ACER2: variants seen among roughly 807,000 people sequenced by gnomAD.
ACER2 encodes alkaline ceramidase 2, also known as alkCDase 2.
In ACER2, 26 loss-of-function variants were observed where a neutral mutation model predicts 34.7. That is an observed-to-expected ratio of 0.75 (90% CI 0.55 to 1.04). The LOEUF is 1.04. ACER2 is among the 50% of genes least tolerant of loss of function. ACER2 has a pLI of 0.00. For missense variants in ACER2, 352 were observed against 340.8 expected, an observed-to-expected ratio of 1.03 and a Z score of -0.26; for synonymous variants, 138 against 132.1, an observed-to-expected ratio of 1.04 and a Z score of -0.31.
intron 1 of ACER2, among the ~76,000 whole-genome samples, chr9:19,419,555 C>G (rs1830339477): frequency 6.6e-6 from 1 of 152,158 alleles, no homozygotes; most frequent in South Asian, 2.1e-4. Context: ...CACTTGAGGT[C>G]AGGAGTTGAA....
chr9:19,450,469 G>T lies in ACER2; in HGVS notation c.661G>T (p.Ala221Ser). Residue 221 changes from alanine (A) to serine (S), a missense_variant, in exon 6 of 6, where the codon GCT (alanine) becomes TCT (serine). Ala to Ser is a moderately conservative substitution (Grantham distance 99, BLOSUM62 1). Transcript: ENST00000340967. Reference protein sequence around the residue: ...HCMWHILICLAAYLGCVCFAY... With the variant: ...HCMWHILICLSAYLGCVCFAY... Reference sequence around the variant, plus strand: ...CTGCAGGCACATCCTCATCTGCCTTGCTGCCTACCTGGGCTGTGTATGCTT... The same window carrying T: ...CTGCAGGCACATCCTCATCTGCCTTTCTGCCTACCTGGGCTGTGTATGCTT... The T allele has an allele frequency of 6.2e-7, 1 of 1,602,096 alleles. No individual in the cohort carries two copies. The highest frequency in any genetic ancestry group is 8.5e-7 in the Non-Finnish European group (1 of 1,170,404).
intron 4 of ACER2, among the ~76,000 whole-genome samples, chr9:19,441,132 C>A (rs930173787): frequency 1.3e-5 from 2 of 151,556 alleles, no homozygotes; most frequent in African/African-American, 4.9e-5. Flanking sequence ...TCACTGCAAC[C>A]TCCGCCTCCC....
intron 3 of ACER2, among the ~76,000 whole-genome samples, chr9:19,433,042 G>T (rs1444488852): frequency 1.3e-5 from 2 of 151,578 alleles, no homozygotes; most frequent in African/African-American, 4.8e-5. Context: ...GAAGTAGGTT[G>T]ACTGTAATTT....
At chr9:19,426,228 T>A (rs200740852) in intron 3 of ACER2, among the ~76,000 whole-genome samples, 5,668 of 144,736 alleles carry the variant, frequency 0.039, 142 homozygotes, top group Middle Eastern at 0.2. Flanking sequence ...ACTTTTTTTT[T>A]AAAAAAAAAA....
intron 5 of ACER2, chr9:19,446,625 A>T (rs1446167403): frequency 1.0e-6 from 1 of 985,452 alleles, no homozygotes; most frequent in Non-Finnish European, 1.2e-6. Context: ...CTTAGCCGGA[A>T]CGAAAGGCCT....
chr9:19,411,746 T>C (rs542525916), intron 1 of ACER2, among the ~76,000 whole-genome samples: 7 of 152,276 alleles, frequency 4.6e-5, no homozygotes, highest in African/African-American at 1.7e-4. Flanking sequence ...GTTGGAGGAA[T>C]TGACAATGTT....
chr9:19,428,884 G>C (rs1830666833), intron 3 of ACER2, among the ~76,000 whole-genome samples: 1 of 145,000 alleles, frequency 6.9e-6, no homozygotes, highest in Non-Finnish European at 1.5e-5. Context: ...CTGCCTCCTG[G>C]GTTCAAATGA....
intron 3 of ACER2, among the ~76,000 whole-genome samples, chr9:19,429,631 C>G (rs192493498): frequency 1.6e-4 from 24 of 152,288 alleles, no homozygotes; most frequent in Non-Finnish European, 3.1e-4. Flanking sequence ...TGTGCCCAAC[C>G]TTGTATCCAC....
At chr9:19,411,211 C>T (rs959685683) in intron 1 of ACER2, among the ~76,000 whole-genome samples, 10 of 152,190 alleles carry the variant, frequency 6.6e-5, no homozygotes, top group African/African-American at 2.4e-4. Flanking sequence ...CATTGTCTGG[C>T]TGATGAGCCC....
rs1443534266 is a variant in ACER2 at position 19,451,877 on chromosome 9, T to C, written c.*1241T>C. 1 of 152,348 alleles carries C rather than the reference T, an allele frequency of 6.6e-6. No homozygotes were observed. The allele number at this position is 152,348 out of a possible 1,614,324, so 9.4% of individuals were successfully genotyped here. On this transcript the variant is annotated 3_prime_UTR_variant, in exon 6 of 6. Coordinates refer to ENST00000340967, the MANE Select transcript of ACER2 (RefSeq NM_001010887.3). Reference sequence around the variant, plus strand: ...CTTCTTGTTTCTGTTGTGTTTTCTGTGGGCATCATGTTCTTCACGCTTGCA... The same window carrying C: ...CTTCTTGTTTCTGTTGTGTTTTCTGCGGGCATCATGTTCTTCACGCTTGCA...
At chr9:19,428,401 C>T (rs1830648234) in intron 3 of ACER2, among the ~76,000 whole-genome samples, 1 of 152,064 alleles carries the variant, frequency 6.6e-6, no homozygotes, top group African/African-American at 2.4e-5. Flanking sequence ...CTCCTCACCT[C>T]AGGTGATCTG....
rs746504706 is a variant in ACER2 at position 19,450,636 on chromosome 9, A to G, written c.828A>G (p.Ter276TrpextTer87). Residue 276 changes from the stop codon to tryptophan, a stop_lost, in exon 6 of 6, where the codon TGA becomes TGG. Transcript: ENST00000340967. ...AGAAATCATCAGTCAAGATCACGTG[A>G]TGGCAAGATGGTGGCTGGCTTCTCT... The part of the protein sequence containing the change: ...ANKKSSVKIT[*>W] The G allele has an allele frequency of 6.5e-7, 1 of 1,544,284 alleles. No individual in the cohort carries two copies. Among genetic ancestry groups the G allele is most frequent in the South Asian group, 1.2e-5 (1 of 83,124 alleles).
chr9:19,434,738 G>A (rs1383276797), intron 3 of ACER2, among the ~76,000 whole-genome samples: 1 of 151,628 alleles, frequency 6.6e-6, no homozygotes, highest in Non-Finnish European at 1.5e-5. Flanking sequence ...GTCCAGCTTC[G>A]GCTCGGCATG....
intron 4 of ACER2, among the ~76,000 whole-genome samples, chr9:19,439,903 G>A (rs1381945517): frequency 6.6e-6 from 1 of 152,154 alleles, no homozygotes; most frequent in East Asian, 1.9e-4. Flanking sequence ...GGAGGCGGAG[G>A]TTGTGGTGCG....
chr9:19,447,965 C>G (rs1554658254), intron 5 of ACER2, among the ~76,000 whole-genome samples: 2 of 108,360 alleles, frequency 1.8e-5, no homozygotes, highest in Non-Finnish European at 4.5e-5. Flanking sequence ...TATATGTCTA[C>G]TTTTAAAAAA....
chr9:19,436,335 AT>A (rs977533115), intron 4 of ACER2, among the ~76,000 whole-genome samples: 3 of 152,158 alleles, frequency 2.0e-5, no homozygotes, highest in African/African-American at 4.8e-5. Context: ...AGTAGCTCAT[AT>A]TTTTTTGTAG....
At chr9:19,415,421 G>C (rs948513191) in intron 1 of ACER2, among the ~76,000 whole-genome samples, 7 of 151,834 alleles carry the variant, frequency 4.6e-5, no homozygotes, top group African/African-American at 1.7e-4. Flanking sequence ...CTTGAACCTG[G>C]GAGGCGGAGG....
chr9:19,418,796 A>G (rs1430048485), intron 1 of ACER2, among the ~76,000 whole-genome samples: 1 of 152,204 alleles, frequency 6.6e-6, no homozygotes, highest in Non-Finnish European at 1.5e-5. Flanking sequence ...ATAGCTATGT[A>G]ACAAACCTGC....
At chr9:19,415,525 T>C (rs1239520773) in intron 1 of ACER2, among the ~76,000 whole-genome samples, 11 of 148,270 alleles carry the variant, frequency 7.4e-5, no homozygotes, top group African/African-American at 2.2e-4. Flanking sequence ...AATAAACAAA[T>C]AAATAAATAA....
Sources: gnomAD v4.1 joint callset for allele counts (sites outside exome capture counted in the v4.1 genomes callset) on GRCh38, gnomAD v4.1.1 for gene constraint, MANE v1.5 for transcripts, NCBI Gene and HGNC (gene_info 2026-07-23, HGNC 2026-07-21) for gene names.